The following NUP214 variants were observed in gnomAD, a reference collection of about 807,000 sequenced individuals.
NUP214 encodes nucleoporin 214.
In NUP214, 79 loss-of-function variants were observed where a neutral mutation model predicts 196.2. The ratio of observed to expected loss-of-function variants is 0.40; its 90% CI spans 0.34 to 0.49. The LOEUF (loss-of-function observed/expected upper bound fraction) is 0.49. Among genes scored for constraint, NUP214 ranks in the 20% least tolerant of loss-of-function variants. The probability of loss-of-function intolerance (pLI) is 0.58; values close to 1 mark genes in which losing one functional copy is unlikely to be tolerated. For synonymous variants in NUP214, 1,020 were observed against 990.5 expected (o/e 1.03, Z -0.56); for missense variants, 2,468 against 2,539.0 (o/e 0.97, Z 0.60).
rs899489949 is a variant in NUP214, at chr9:131,128,562, T to A, written c.393+79T>A. On this transcript the variant is annotated intron_variant, in intron 3 of 35. Coordinates refer to ENST00000359428, the MANE Select transcript of NUP214 (RefSeq NM_005085.4). ...TGTATTGAATTACAACTTGGAAGCT[T>A]CATAGGTTAACCCTTGAAGTTTCTC... 3 of 1,294,862 alleles carry A rather than the reference T, an allele frequency of 2.3e-6. No individual in the cohort carries two copies. In the African/African-American group the frequency reaches 4.4e-5, roughly 19 times the overall value. 80.2% of individuals were successfully genotyped at this position (1,294,862 alleles called of 1,614,324 possible). A position where few individuals can be genotyped will look rare whatever the true frequency, so the allele number is the denominator to read the frequency against.
Position 131,197,599 on chromosome 9 carries a change from C to T in NUP214, c.4105C>T (p.Pro1369Ser). 6.2e-7 allele frequency: 1 copy of T among 1,614,188 alleles called. No individual in the cohort carries two copies. Among genetic ancestry groups the T allele is most frequent in the South Asian group, 1.1e-5 (1 of 91,082 alleles). Reference sequence around the variant, plus strand: ...CCAGCCAACCAAGACGTCAGGCGTGCCCTCAGGGTTTAATTTTACTGCCCC... The same window carrying T: ...CCAGCCAACCAAGACGTCAGGCGTGTCCTCAGGGTTTAATTTTACTGCCCC... ...STQPTKTSGV[P>S]SGFNFTAPPV... Residue 1369 changes from proline (P) to serine (S), a missense_variant, in exon 29 of 36, where the codon CCC becomes TCC. Physicochemically the swap from Pro to Ser is moderately conservative, Grantham distance 74 (BLOSUM62 -1). Around this residue, in one of 5 missense-constraint regions of NUP214, gnomAD observed 1,801 missense variants for 1,779.4 expected, o/e 1.01. Transcript: ENST00000359428.
At position 131,192,307 on chromosome 9, in the gene NUP214, T is replaced by C; in HGVS notation, c.3659+15T>C. 6.6e-7 allele frequency: 1 copy of C among 1,519,990 alleles called. No individual in the cohort carries two copies. 94.2% of individuals were successfully genotyped at this position (1,519,990 alleles called of 1,614,324 possible). On this transcript the variant is annotated intron_variant, in intron 27 of 35. Coordinates refer to ENST00000359428, the MANE Select transcript of NUP214 (RefSeq NM_005085.4). ...TCTCCATCAGGGTCAGTAATGAACT[T>C]AAGTTTTATGGCAAATTACTAGCAA... is the stretch of plus-strand genomic sequence containing the variant.
rs142442441 is a variant in NUP214, at chr9:131,199,562, A to G, written c.5521+547A>G. 2.4e-3 allele frequency among the ~76,000 whole-genome samples: 359 copies of G among 152,304 alleles called. 4 individuals carry two copies. The highest frequency in any genetic ancestry group is 8.3e-3 in the African/African-American group (345 of 41,582). On this transcript the variant is annotated intron_variant, in intron 29 of 35. Coordinates refer to ENST00000359428, the MANE Select transcript of NUP214 (RefSeq NM_005085.4). Reference sequence around the variant, plus strand: ...TGGGTTCTTTTCTATTTTCAGTGTTATGACTTTTTGTAAAAACTACAGTTT... The same window carrying G: ...TGGGTTCTTTTCTATTTTCAGTGTTGTGACTTTTTGTAAAAACTACAGTTT...
chr9:131,136,049 A>C (rs1303299001), intron 9 of NUP214, 43 bp downstream of exon 9: 1 of 1,480,654 alleles, frequency 6.8e-7, no homozygotes, highest in Non-Finnish European at 9.4e-7. Context: ...TTCTTTTTTA[A>C]ATTATTATTT....
chr9:131,212,580 G>A (rs1388138221), intron 30 of NUP214, among the ~76,000 whole-genome samples: 7 of 152,054 alleles, frequency 4.6e-5, no homozygotes, highest in Admixed American at 3.3e-4. Flanking sequence ...TTGAAATATC[G>A]GGGGCTGGTT....
Position 131,198,351 on chromosome 9 carries a change from C to T in NUP214, c.4857C>T (p.Ser1619=). 1 of 1,614,264 alleles carries T rather than the reference C, an allele frequency of 6.2e-7. No individual in the cohort carries two copies. Among genetic ancestry groups the T allele is most frequent in the Non-Finnish European group, 8.5e-7 (1 of 1,180,040 alleles). ...CATCAAGTACCCCCATAGCCTCCAG[C>T]ACCACGTCCATTGTTGCTCCCGGCC... The part of the protein sequence containing the change: ...VETSSTPIAS[S]TTSIVAPGPS... Residue 1619 remains serine, a synonymous_variant, in exon 29 of 36, where the codon AGC becomes AGT. Coordinates refer to ENST00000359428, the MANE Select transcript of NUP214 (RefSeq NM_005085.4).
chr9:131,211,576 C>T (rs897597844), intron 30 of NUP214, among the ~76,000 whole-genome samples: 8 of 152,130 alleles, frequency 5.3e-5, no homozygotes, highest in Non-Finnish European at 1.0e-4. Flanking sequence ...CTGCTGAAGC[C>T]GTGACAGAAG....
chr9:131,143,981 T>C (rs1469280075), intron 11 of NUP214, among the ~76,000 whole-genome samples: 2 of 152,206 alleles, frequency 1.3e-5, no homozygotes, highest in East Asian at 1.9e-4. Flanking sequence ...ATTAAAACTT[T>C]TTCCTGGTTG....
chr9:131,208,590 G>A lies in NUP214; in HGVS notation c.5593-6622G>A, dbSNP rs554283262. ...CGGGTGCCTGTAGTCCCAGCTACTC[G>A]GGAGGCTGAGGCAGGAGAATGGCAT... On this transcript the variant is annotated intron_variant, in intron 30 of 35. Transcript: ENST00000359428. 1.8e-4 allele frequency among the ~76,000 whole-genome samples: 28 copies of A among 152,256 alleles called. No homozygotes were observed. The South Asian group carries it at 2.1e-3, about 11-fold the overall frequency.
rs74961408 is a variant in NUP214 at position 131,143,809 on chromosome 9, A to G, written c.1295-471A>G. On this transcript the variant is annotated intron_variant, in intron 11 of 35. Coordinates refer to ENST00000359428, the MANE Select transcript of NUP214 (RefSeq NM_005085.4). Reference sequence around the variant, plus strand: ...CAAATCTTAACCTTCTCCCTTTGCGATTGTTTTTTTTTTGGTCACTTCTAA... The same window carrying G: ...CAAATCTTAACCTTCTCCCTTTGCGGTTGTTTTTTTTTTGGTCACTTCTAA... Among the ~76,000 whole-genome samples, 1,180 of 150,502 alleles carry G rather than the reference A, an allele frequency of 7.8e-3. 19 individuals carry two copies. Among genetic ancestry groups the G allele is most frequent in the African/African-American group, 0.028 (1,140 of 40,906 alleles).
At chr9:131,229,264 G>T (rs1353954647) in intron 33 of NUP214, 1 of 163,300 alleles carries the variant, frequency 6.1e-6, no homozygotes, top group African/African-American at 2.4e-5. Context: ...GCAGCAGCAG[G>T]AGTGAGAGGG....
intron 14 of NUP214, among the ~76,000 whole-genome samples, chr9:131,148,800 A>C (rs571087551): frequency 2.0e-5 from 3 of 152,266 alleles, no homozygotes; most frequent in South Asian, 4.2e-4. Flanking sequence ...ACACACGCAC[A>C]CACATACAGT....
chr9:131,174,186 G>A lies in NUP214; in HGVS notation c.3025G>A (p.Val1009Met), dbSNP rs1833034222. The change falls in exon 22 of 36, where the codon GTG becomes ATG. Residue 1009 changes from valine (V) to methionine (M), a missense_variant. Around this residue, in one of 5 missense-constraint regions of NUP214, gnomAD observed 1,801 missense variants for 1,779.4 expected, o/e 1.01. Transcript: ENST00000359428. ...ARTSCKDDEAVVQAPRHAPVV... is the reference protein window; with the variant it reads ...ARTSCKDDEAMVQAPRHAPVV... ...GACGTCCTGTAAAGATGACGAGGCA[G>A]TGGTTCAGGCCCCTCGGCACGCCCC... 6.2e-7 allele frequency: 1 copy of A among 1,613,878 alleles called. No individual in the cohort carries two copies. The highest frequency in any genetic ancestry group is 1.3e-5 in the African/African-American group (1 of 74,902).
chr9:131,175,785 G>A (rs1833097917), intron 23 of NUP214, 164 bp downstream of exon 23: 1 of 1,046,370 alleles, frequency 9.6e-7, no homozygotes, highest in South Asian at 2.4e-5. Context: ...TTCTAAGAAA[G>A]CAGAGACTAG....
At chr9:131,195,118 T>G in intron 27 of NUP214, 115 bp from the exon 28 acceptor site, 1 of 719,928 alleles carries the variant, frequency 1.4e-6, no homozygotes, top group Non-Finnish European at 2.4e-6. Context: ...ATTTATCTTC[T>G]AGATTGTAAA....
intron 21 of NUP214, among the ~76,000 whole-genome samples, chr9:131,166,597 A>G (rs952405903): frequency 6.6e-6 from 1 of 152,220 alleles, no homozygotes; most frequent in Non-Finnish European, 1.5e-5. Context: ...GTGAAAAACA[A>G]CACACATTAA....
At chr9:131,173,964 G>GT in intron 21 of NUP214, 91 bp from the exon 22 acceptor site, 3 of 1,306,322 alleles carry the variant, frequency 2.3e-6, no homozygotes, top group Non-Finnish European at 3.2e-6. Flanking sequence ...TACAAGTTGA[G>GT]TATTTTTTTT....
In NUP214 at chr9:131,228,212, C is replaced by G. The variant is rs1476181547; in HGVS notation, c.5955C>G (p.Ser1985=). The change falls in exon 33 of 36, where the codon TCC becomes TCG. Residue 1985 remains serine (S), a synonymous_variant. Transcript: ENST00000359428. ...GCAGCCCTCCTACTTTTGGGGGATC[C>G]CCTGGGTTTGGAGGGGTGCCAGCAT... The part of the protein sequence containing the change: ...VFGSPPTFGG[S]PGFGGVPAFG... 6.2e-7 allele frequency: 1 copy of G among 1,604,846 alleles called. No individual in the cohort carries two copies. The highest frequency in any genetic ancestry group is 1.1e-5 in the South Asian group (1 of 90,022).
At position 131,144,273 on chromosome 9, in the gene NUP214, A is replaced by G. The variant is rs753302784; in HGVS notation, c.1295-7A>G. ...TAACATTTTCCTTCCTTTTTTTGTC[A>G]CTGCAGGAAGTACTCCCACTACCCC... is the stretch of plus-strand genomic sequence containing the variant. On this transcript the variant is annotated splice_polypyrimidine_tract_variant and splice_region_variant and intron_variant, in intron 11 of 35. Transcript: ENST00000359428. 9 of 1,594,396 alleles carry G rather than the reference A, an allele frequency of 5.6e-6. No homozygotes were observed. The highest frequency in any genetic ancestry group is 3.4e-5 in the South Asian group (3 of 89,470).
Sources: allele counts gnomAD v4.1 joint callset (sites outside exome capture counted in the v4.1 genomes callset), GRCh38; gene constraint gnomAD v4.1.1; regional missense constraint gnomAD v4.1.1; transcripts MANE v1.5; gene names NCBI Gene and HGNC (gene_info 2026-07-23, HGNC 2026-07-21).